Variants in RNF4 observed in about 807,000 individuals in gnomAD.
The protein encoded by RNF4 is E3 ubiquitin-protein ligase RNF4.
Under a neutral mutation model 24.3 loss-of-function variants are expected in RNF4, and 7 were observed. That is an observed-to-expected ratio of 0.29 (90% CI 0.16 to 0.54). The LOEUF is 0.54. Ranked by LOEUF, RNF4 falls within the 20% of genes least tolerant of loss-of-function variation. RNF4 has a pLI of 0.95. For synonymous variants in RNF4, 83 were observed against 84.3 expected (o/e 0.98, Z 0.09); for missense variants, 209 against 248.5 (o/e 0.84, Z 1.07).
At chr4:2,485,287 TTCC>T (rs1198762763) in intron 1 of RNF4, among the ~76,000 whole-genome samples, 1 of 152,202 alleles carries the variant, frequency 6.6e-6, no homozygotes, top group African/African-American at 2.4e-5. Context: ...TGTTCACTGC[TTCC>T]TCCTCCTTGA....
chr4:2,476,570 C>A (rs935941003), intron 1 of RNF4, among the ~76,000 whole-genome samples: 2 of 151,924 alleles, frequency 1.3e-5, no homozygotes, highest in Non-Finnish European at 2.9e-5. Context: ...TTTTTTGTAT[C>A]TTTACTAGAG....
intron 1 of RNF4, among the ~76,000 whole-genome samples, chr4:2,474,219 C>G (rs1437348583): frequency 1.7e-4 from 7 of 40,802 alleles, no homozygotes; most frequent in African/African-American, 7.6e-4. Context: ...ACTAAAAACA[C>G]ACAAAAAAAT....
At chr4:2,497,220 A>G in intron 3 of RNF4, 99 bp downstream of exon 3, 1 of 767,744 alleles carries the variant, frequency 1.3e-6, no homozygotes, top group Non-Finnish European at 2.1e-6. Context: ...TGTCTTTAGA[A>G]GGCCTATGCA....
At chr4:2,486,613 G>C (rs931842096) in intron 1 of RNF4, among the ~76,000 whole-genome samples, 2 of 152,170 alleles carry the variant, frequency 1.3e-5, no homozygotes, top group Admixed American at 1.3e-4. Context: ...AAGTAGTAAT[G>C]GTCTAGCTGG....
chr4:2,506,659 C>G (rs1186611750), intron 4 of RNF4, among the ~76,000 whole-genome samples: 1 of 151,940 alleles, frequency 6.6e-6, no homozygotes, highest in Non-Finnish European at 1.5e-5. Flanking sequence ...CCTGTACCTT[C>G]TGGGCTCAAT....
intron 3 of RNF4, chr4:2,499,551 C>T: frequency 4.0e-6 from 1 of 248,434 alleles, no homozygotes; most frequent in Non-Finnish European, 8.1e-6. Flanking sequence ...GCTGGGATTA[C>T]AGGTGTGAAC....
chr4:2,507,945 C>T (rs893030994), intron 4 of RNF4, among the ~76,000 whole-genome samples: 4 of 152,118 alleles, frequency 2.6e-5, no homozygotes, highest in African/African-American at 9.7e-5. Flanking sequence ...GCCTCAACCT[C>T]CCAGGTTGAA....
intron 1 of RNF4, among the ~76,000 whole-genome samples, chr4:2,483,629 C>T (rs1469451686): frequency 1.3e-5 from 2 of 151,880 alleles, no homozygotes; most frequent in African/African-American, 4.8e-5. Flanking sequence ...CATGGCAAAG[C>T]CCCATCTCTA....
At chr4:2,491,764 C>T (rs1735585108) in intron 2 of RNF4, among the ~76,000 whole-genome samples, 1 of 151,912 alleles carries the variant, frequency 6.6e-6, no homozygotes, top group Admixed American at 6.6e-5. Flanking sequence ...GACAGGGTCT[C>T]ACTCAGTCTC....
At chr4:2,503,864 T>G (rs1215944137) in intron 4 of RNF4, among the ~76,000 whole-genome samples, 2 of 152,266 alleles carry the variant, frequency 1.3e-5, no homozygotes, top group East Asian at 3.9e-4. Flanking sequence ...CTGCTTTAGC[T>G]CCAGTAGCTC....
chr4:2,483,013 T>G (rs1735289417), intron 1 of RNF4, among the ~76,000 whole-genome samples: 1 of 152,196 alleles, frequency 6.6e-6, no homozygotes, highest in Non-Finnish European at 1.5e-5. Flanking sequence ...GGTGAAGGTT[T>G]GTTTTGCCTT....
intron 2 of RNF4, 118 bp downstream of exon 2, chr4:2,490,620 T>TGA: frequency 9.4e-7 from 1 of 1,064,508 alleles, no homozygotes; most frequent in Non-Finnish European, 1.4e-6. Flanking sequence ...CCCCACTTCT[T>TGA]GAAGGAGTAT....
intron 2 of RNF4, among the ~76,000 whole-genome samples, chr4:2,493,197 C>T (rs1735630808): frequency 6.6e-6 from 1 of 151,896 alleles, no homozygotes; most frequent in African/African-American, 2.4e-5. Context: ...AAGGAGGTGA[C>T]ATTTGAGTGG....
chr4:2,477,574 A>C (rs987412512), intron 1 of RNF4, among the ~76,000 whole-genome samples: 1 of 151,784 alleles, frequency 6.6e-6, no homozygotes, highest in African/African-American at 2.4e-5. Flanking sequence ...AACAGAGTAG[A>C]CTTAATCTAA....
Position 2,492,120 on chromosome 4 carries a change from A to G in RNF4, c.9+1618A>G, listed in dbSNP as rs901258642. Among the ~76,000 whole-genome samples, 7 of 151,624 alleles carry G rather than the reference A, an allele frequency of 4.6e-5. No homozygotes were observed. The East Asian group carries it at 1.4e-3, about 30-fold the overall frequency. ...AGGCTGAGGCAGGAGAATGGCATGA[A>G]CCTGGGAGGCGGAGCTTGCAGTGAG... On this transcript the variant is annotated intron_variant, in intron 2 of 7. Coordinates refer to ENST00000314289, the MANE Select transcript of RNF4 (RefSeq NM_002938.5).
intron 1 of RNF4, among the ~76,000 whole-genome samples, chr4:2,476,723 TTTAAG>T (rs1213413552): frequency 1.4e-5 from 2 of 147,484 alleles, no homozygotes; most frequent in East Asian, 2.0e-4. Context: ...TTTTTTTTAA[TTTAAG>T]AGAAGGTTGT....
At chr4:2,494,214 G>A (rs1043189713) in intron 2 of RNF4, among the ~76,000 whole-genome samples, 3 of 152,068 alleles carry the variant, frequency 2.0e-5, no homozygotes, top group African/African-American at 7.2e-5. Context: ...TCTGCAGAAA[G>A]GGTACACTCA....
At chr4:2,473,949 T>C (rs1734989174) in intron 1 of RNF4, among the ~76,000 whole-genome samples, 1 of 152,162 alleles carries the variant, frequency 6.6e-6, no homozygotes, top group African/African-American at 2.4e-5. Flanking sequence ...GTGGGATTGT[T>C]ACTGCATAGT....
At chr4:2,495,873 C>T (rs552947792) in intron 2 of RNF4, among the ~76,000 whole-genome samples, 3 of 152,296 alleles carry the variant, frequency 2.0e-5, no homozygotes, top group South Asian at 4.1e-4. Context: ...TCTGGTGATC[C>T]GCCTGCCTCT....
Sources: allele counts gnomAD v4.1 joint callset (sites outside exome capture counted in the v4.1 genomes callset), GRCh38; gene constraint gnomAD v4.1.1; transcripts MANE v1.5; gene names NCBI Gene and HGNC (gene_info 2026-07-23, HGNC 2026-07-21).